Variants in TCF20 observed in about 807,000 individuals in gnomAD.
The protein encoded by TCF20 is transcription factor 20, also known as SPRE-binding protein.
A neutral mutation model predicts 148.6 loss-of-function variants in TCF20; 3 were observed. That is an observed-to-expected ratio of 0.02 (90% CI 0.01 to 0.05). TCF20 has a LOEUF of 0.05. Ranked by LOEUF, TCF20 falls within the 10% of genes least tolerant of loss-of-function variation. The probability of loss-of-function intolerance (pLI) is 1.00; values close to 1 mark genes in which losing one functional copy is unlikely to be tolerated. For missense variants in TCF20, 2,350 were observed against 2,429.3 expected (o/e 0.97, Z 0.69); for synonymous variants, 1,049 against 909.5 (o/e 1.15, Z -2.76).
At chr22:42,179,803 TGTG>T in intron 2 of TCF20, 101 bp from the exon 3 acceptor site, 1 of 787,564 alleles carries the variant, frequency 1.3e-6, no homozygotes, top group Non-Finnish European at 2.2e-6. Context: ...CACGTGTCTC[TGTG>T]GTTAGAGGAG....
At chr22:42,189,079 G>A (rs1270162755) in intron 2 of TCF20, among the ~76,000 whole-genome samples, 1 of 152,106 alleles carries the variant, frequency 6.6e-6, no homozygotes, top group Non-Finnish European at 1.5e-5. Flanking sequence ...ACACAGTGGA[G>A]CACAACTCTG....
intron 1 of TCF20, among the ~76,000 whole-genome samples, chr22:42,316,461 C>A (rs1927633345): frequency 6.6e-6 from 1 of 152,168 alleles, no homozygotes. Context: ...GACTGGCCCA[C>A]AAGTTAATCT....
chr22:42,189,491 G>A (rs532181345), intron 2 of TCF20, among the ~76,000 whole-genome samples: 1 of 152,330 alleles, frequency 6.6e-6, no homozygotes, highest in South Asian at 2.1e-4. Context: ...GACATTTTAT[G>A]GGTAACTACG....
intron 1 of TCF20, among the ~76,000 whole-genome samples, chr22:42,242,153 A>C (rs1432394272): frequency 7.1e-6 from 1 of 141,474 alleles, no homozygotes; most frequent in Non-Finnish European, 1.5e-5. Context: ...CAGTGAGCCG[A>C]AATCGCACCA....
chr22:42,246,543 A>G (rs1047141990), intron 1 of TCF20, among the ~76,000 whole-genome samples: 1 of 152,202 alleles, frequency 6.6e-6, no homozygotes, highest in Non-Finnish European at 1.5e-5. Flanking sequence ...TTTTTCTCGT[A>G]CGTGTTTTTC....
chr22:42,190,928 C>T (rs1937301197), intron 2 of TCF20, among the ~76,000 whole-genome samples: 1 of 152,210 alleles, frequency 6.6e-6, no homozygotes, highest in African/African-American at 2.4e-5. Flanking sequence ...ATATCAGCCA[C>T]TTGCTGTGGG....
rs1443436452 is a variant in TCF20, at chr22:42,205,480, A to G, written c.5655+4171T>C. On this transcript the variant is annotated intron_variant, in intron 2 of 5. Coordinates refer to ENST00000677622, the MANE Select transcript of TCF20 (RefSeq NM_001378418.1). ...AATACATAGGCCAAAATGGATCTCT[A>G]ATGAAATATATGTGACTTTATCTTA... is the stretch of plus-strand genomic sequence containing the variant. Among the ~76,000 whole-genome samples, 3 of 152,008 alleles carry G rather than the reference A, an allele frequency of 2.0e-5. No individual in the cohort carries two copies. In the East Asian group the frequency reaches 5.8e-4, roughly 29 times the overall value.
Position 42,213,123 on chromosome 22 carries a change from G to A in TCF20, c.2183C>T (p.Pro728Leu), listed in dbSNP as rs1270654597. The change falls in exon 2 of 6, where the codon CCT (proline) becomes CTT (leucine). Residue 728 changes from proline to leucine, a missense_variant. By Grantham distance (98) the Pro-to-Leu change is moderately conservative. Around this residue, in one of 7 missense-constraint regions of TCF20, gnomAD observed 1,641 missense variants for 1,662.6 expected, o/e 0.99. Coordinates refer to ENST00000677622, the MANE Select transcript of TCF20 (RefSeq NM_001378418.1). Reference sequence around the variant, plus strand: ...GAAATCTCCCTTTTCTTGCCCTGTAGGATACTGAGGAAAGCCACTGACATT... The same window carrying A: ...GAAATCTCCCTTTTCTTGCCCTGTAAGATACTGAGGAAAGCCACTGACATT... The part of the protein sequence containing the change: ...PRNVSGFPQY[P>L]TGQEKGDFTG... The A allele has an allele frequency of 4.3e-6, 7 of 1,614,116 alleles. No individual in the cohort carries two copies. The highest frequency in any genetic ancestry group is 2.2e-5 in the East Asian group (1 of 44,874).
intron 1 of TCF20, among the ~76,000 whole-genome samples, chr22:42,216,780 CTT>C (rs1265349261): frequency 1.3e-5 from 2 of 152,204 alleles, no homozygotes; most frequent in Non-Finnish European, 2.9e-5. Flanking sequence ...GACCCAGACT[CTT>C]TCAAAGTTAT....
intron 1 of TCF20, among the ~76,000 whole-genome samples, chr22:42,302,184 G>A (rs745821129): frequency 2.0e-5 from 3 of 152,170 alleles, no homozygotes; most frequent in Admixed American, 1.3e-4. Flanking sequence ...GGGCACTATC[G>A]GGTGTTGAGT....
chr22:42,287,210 G>A (rs1927048733), upstream of TCF20, among the ~76,000 whole-genome samples: 1 of 152,192 alleles, frequency 6.6e-6, no homozygotes, highest in Non-Finnish European at 1.5e-5. Flanking sequence ...AGGTTTTTGG[G>A]AGCATGGTGG....
chr22:42,292,052 C>A lies in TCF20; in HGVS notation c.-37+51427G>T, dbSNP rs1035140812. The stretch of plus-strand genomic sequence containing the variant: ...TCTCTGACCTGGGTAAAAGCAGGCA[C>A]CTCTCACACACCACCCCTCGTATGA... On this transcript the variant is annotated intron_variant, in intron 1 of 1. Transcript: ENST00000515426. The surrounding 1 kb of genome is among the most constrained non-coding windows in gnomAD (Gnocchi z 4.9). 1.3e-5 allele frequency among the ~76,000 whole-genome samples: 2 copies of A among 152,076 alleles called. No individual in the cohort carries two copies. The highest frequency in any genetic ancestry group is 2.4e-5 in the African/African-American group (1 of 41,392).
chr22:42,173,241 A>T (rs1936237685), intron 3 of TCF20, among the ~76,000 whole-genome samples: 1 of 136,740 alleles, frequency 7.3e-6, no homozygotes, highest in Admixed American at 6.9e-5. Flanking sequence ...AAATACATTA[A>T]TTAAAAAAAA....
chr22:42,203,092 T>C (rs528487826), intron 2 of TCF20, among the ~76,000 whole-genome samples: 1 of 152,336 alleles, frequency 6.6e-6, no homozygotes, highest in South Asian at 2.1e-4. Context: ...AACTTGTGTG[T>C]TGTGGCTTGT....
rs1362377533 is a variant in TCF20 at position 42,292,398 on chromosome 22, C to T, written c.-37+51081G>A. On this transcript the variant is annotated intron_variant, in intron 1 of 1. Transcript: ENST00000515426. The surrounding 1 kb of genome is among the most constrained non-coding windows in gnomAD (Gnocchi z 4.9). ...TTCTGGCCTCATCCTGCCCTGCAGT[C>T]CCCAAACATGGTTCTGTGCCCTGGA... Among the ~76,000 whole-genome samples, 2 of 152,312 alleles carry T rather than the reference C, an allele frequency of 1.3e-5. No individual in the cohort carries two copies. The highest frequency in any genetic ancestry group is 1.5e-5 in the Non-Finnish European group (1 of 68,020).
intron 5 of TCF20, among the ~76,000 whole-genome samples, chr22:42,162,839 G>A (rs1935548367): frequency 6.6e-6 from 1 of 152,206 alleles, no homozygotes; most frequent in African/African-American, 2.4e-5. Context: ...TCCCAAGCAC[G>A]TACATGCACA....
intron 1 of TCF20, among the ~76,000 whole-genome samples, chr22:42,333,600 G>C (rs935387749): frequency 3.9e-5 from 6 of 152,234 alleles, no homozygotes; most frequent in African/African-American, 1.4e-4. Context: ...AAGGGGTAAA[G>C]GTGTAAAAAC....
intron 1 of TCF20, among the ~76,000 whole-genome samples, chr22:42,342,150 G>A (rs1928179196): frequency 6.6e-6 from 1 of 152,162 alleles, no homozygotes; most frequent in Admixed American, 6.5e-5. Flanking sequence ...GCCTAGTTTA[G>A]GTTTGTGGAC....
At chr22:42,312,874 C>T (rs562781573) in intron 1 of TCF20, among the ~76,000 whole-genome samples, 2 of 152,166 alleles carry the variant, frequency 1.3e-5, no homozygotes, top group Non-Finnish European at 2.9e-5. Flanking sequence ...TGCCCAATGC[C>T]CAGGCCTCAA....
Sources: gnomAD v4.1 joint callset for allele counts (sites outside exome capture counted in the v4.1 genomes callset) on GRCh38, gnomAD v4.1.1 for gene constraint, gnomAD v4.1.1 regional missense constraint, Gnocchi (gnomAD v3.1) non-coding constraint, MANE v1.5 for transcripts, NCBI Gene and HGNC (gene_info 2026-07-23, HGNC 2026-07-21) for gene names.